The following FHIT variants were observed in gnomAD, a reference collection of about 807,000 sequenced individuals.
FHIT encodes the protein bis(5'-adenosyl)-triphosphatase.
In FHIT, 19 loss-of-function variants were observed where a neutral mutation model predicts 17.9. The observed-to-expected ratio is 1.06, with a 90% CI of 0.74 to 1.56. The LOEUF (loss-of-function observed/expected upper bound fraction) is 1.56, where lower values mean the gene tolerates loss of function less well. Ranked by LOEUF, FHIT falls within the 40% of genes most tolerant of loss-of-function variation. The pLI is 0.00. For missense variants in FHIT, 248 were observed against 189.2 expected (o/e 1.31, Z -1.82); for synonymous variants, 81 against 69.7 (o/e 1.16, Z -0.81).
At chr3:60,139,422 G>T (rs535881381) in intron 5 of FHIT, among the ~76,000 whole-genome samples, 1 of 152,282 alleles carries the variant, frequency 6.6e-6, no homozygotes, top group African/African-American at 2.4e-5. Context: ...GAGTGCATTT[G>T]GAAACAAGGT....
chr3:60,553,236 C>G (rs2036618165), intron 4 of FHIT: 1 of 170,030 alleles, frequency 5.9e-6, no homozygotes, highest in South Asian at 1.9e-4. Flanking sequence ...GAGAAATATG[C>G]CACAGGAATT....
At chr3:60,436,015 T>G (rs1167063301) in intron 5 of FHIT, among the ~76,000 whole-genome samples, 1 of 152,096 alleles carries the variant, frequency 6.6e-6, no homozygotes, top group Non-Finnish European at 1.5e-5. Flanking sequence ...CTGCATAGTA[T>G]TCCATGTGTA....
At chr3:60,966,766 A>T (rs1267706388) in intron 3 of FHIT, among the ~76,000 whole-genome samples, 2 of 152,244 alleles carry the variant, frequency 1.3e-5, no homozygotes, top group Non-Finnish European at 2.9e-5. Flanking sequence ...TTAAACTGCA[A>T]TTGGAACAGA....
intron 4 of FHIT, among the ~76,000 whole-genome samples, chr3:60,656,068 T>C (rs527492013): frequency 6.6e-6 from 1 of 152,338 alleles, no homozygotes; most frequent in South Asian, 2.1e-4. Flanking sequence ...GCTGCTGTGC[T>C]ATAATCTAAA....
intron 8 of FHIT, among the ~76,000 whole-genome samples, chr3:59,760,559 CA>C (rs35692822): frequency 0.07 from 9,491 of 135,002 alleles, 409 homozygotes; most frequent in African/African-American, 0.14. Context: ...CCCATGCCAT[CA>C]AAAAAAAAAA....
At chr3:61,249,642 G>T (rs1260622678) in intron 1 of FHIT, among the ~76,000 whole-genome samples, 2 of 152,090 alleles carry the variant, frequency 1.3e-5, no homozygotes, top group African/African-American at 4.8e-5. Flanking sequence ...TTTCTAATCT[G>T]TAAAGTTGAT....
At chr3:60,231,691 C>A (rs1427265732) in intron 5 of FHIT, among the ~76,000 whole-genome samples, 1 of 152,096 alleles carries the variant, frequency 6.6e-6, no homozygotes, top group Non-Finnish European at 1.5e-5. Context: ...TCCTTTAATT[C>A]CCCCAAACAA....
intron 6 of FHIT, 34 bp from the exon 7 acceptor site, chr3:60,011,434 T>C (rs1320323069): frequency 1.9e-6 from 3 of 1,580,448 alleles, no homozygotes; most frequent in East Asian, 2.2e-5. Flanking sequence ...GAGGTGAGAA[T>C]AGATAGATGG....
chr3:60,034,007 A>G (rs992933749), intron 5 of FHIT, among the ~76,000 whole-genome samples: 1 of 152,232 alleles, frequency 6.6e-6, no homozygotes, highest in Admixed American at 6.5e-5. Context: ...AGCCAACAGC[A>G]TATTCAAGAT....
chr3:61,221,622 A>C (rs374313709), intron 1 of FHIT, among the ~76,000 whole-genome samples: 2 of 152,350 alleles, frequency 1.3e-5, no homozygotes, highest in African/African-American at 2.4e-5. Context: ...ATGAAGAGTG[A>C]CTGTCAGTAC....
At chr3:60,151,606 C>A (rs994261389) in intron 5 of FHIT, among the ~76,000 whole-genome samples, 2 of 152,086 alleles carry the variant, frequency 1.3e-5, no homozygotes, top group African/African-American at 4.8e-5. Context: ...CCATCTAATC[C>A]CAATTCCTAC....
chr3:60,527,054 G>A (rs2035602494), intron 5 of FHIT, among the ~76,000 whole-genome samples: 1 of 152,154 alleles, frequency 6.6e-6, no homozygotes, highest in Non-Finnish European at 1.5e-5. Context: ...GATGTGGGGA[G>A]CATCTGTCCC....
chr3:59,766,533 G>C (rs1463630657), intron 8 of FHIT, among the ~76,000 whole-genome samples: 1 of 152,202 alleles, frequency 6.6e-6, no homozygotes, highest in Non-Finnish European at 1.5e-5. Context: ...ATGTCTGTGA[G>C]ATAGTCATCC....
intron 3 of FHIT, among the ~76,000 whole-genome samples, chr3:60,928,341 T>C (rs1441464339): frequency 7.1e-6 from 1 of 141,398 alleles, no homozygotes; most frequent in Non-Finnish European, 1.5e-5. Context: ...AAAAGAAAAG[T>C]TCAAATAAAG....
intron 8 of FHIT, among the ~76,000 whole-genome samples, chr3:59,815,542 C>T (rs776148649): frequency 9.9e-5 from 15 of 152,162 alleles, no homozygotes; most frequent in Non-Finnish European, 1.8e-4. Context: ...CAATGGACTA[C>T]TACTCAGCCA....
intron 5 of FHIT, among the ~76,000 whole-genome samples, chr3:60,521,334 G>A (rs563540236): frequency 3.6e-4 from 55 of 152,022 alleles, no homozygotes; most frequent in Non-Finnish European, 4.4e-4. Context: ...TGCAAGCTCC[G>A]CCTCCCAGAT....
intron 3 of FHIT, among the ~76,000 whole-genome samples, chr3:60,903,725 T>C (rs1706242131): frequency 6.6e-6 from 1 of 152,216 alleles, no homozygotes. Flanking sequence ...ATTTTACACA[T>C]TTAATTCAGC....
intron 7 of FHIT, among the ~76,000 whole-genome samples, chr3:59,948,047 T>C (rs1386462787): frequency 6.6e-6 from 1 of 152,194 alleles, no homozygotes; most frequent in East Asian, 1.9e-4. Flanking sequence ...ACCATTCACC[T>C]GCTGAAGAAC....
In FHIT at chr3:61,210,544, T is replaced by C. The variant is rs575301893; in HGVS notation, c.-212-9879A>G. ...CCCAGCCTCGCTGCCGCCTTGCAGT[T>C]TGATCTCAGACTGCTGTGCTAGCAA... is the stretch of plus-strand genomic sequence containing the variant. On this transcript the variant is annotated intron_variant, in intron 1 of 9. Transcript: ENST00000492590. 3.9e-5 allele frequency among the ~76,000 whole-genome samples: 6 copies of C among 152,334 alleles called. No homozygotes were observed. In the East Asian group the frequency reaches 9.7e-4, roughly 25 times the overall value.
Sources: gnomAD v4.1 joint callset for allele counts (sites outside exome capture counted in the v4.1 genomes callset) on GRCh38, gnomAD v4.1.1 for gene constraint, MANE v1.5 for transcripts, NCBI Gene and HGNC (gene_info 2026-07-23, HGNC 2026-07-21) for gene names.